PCDHA8: variants seen among roughly 807,000 people sequenced by gnomAD.
The protein encoded by PCDHA8 is protocadherin alpha 8.
PCDHA8 carries 53 observed loss-of-function variants against 61.8 expected under a neutral mutation model. The observed-to-expected ratio is 0.86, with a 90% CI of 0.69 to 1.08. The LOEUF (loss-of-function observed/expected upper bound fraction) is 1.08, where lower values mean the gene tolerates loss of function less well. Ranked by LOEUF, PCDHA8 falls within the 50% of genes least tolerant of loss-of-function variation. The pLI, the probability that PCDHA8 is intolerant of heterozygous loss-of-function variation, is 0.00. For synonymous variants in PCDHA8, 618 were observed against 556.6 expected, an observed-to-expected ratio of 1.11 and a Z score of -1.55; for missense variants, 1,293 against 1,245.0, an observed-to-expected ratio of 1.04 and a Z score of -0.58.
At position 140,946,611 on chromosome 5, in the gene PCDHA8, A is replaced by AATATATATATATATATAT. The variant is rs1554217734; in HGVS notation, c.2395-32334_2395-32317dup. Among the ~76,000 whole-genome samples, 487 of 86,718 alleles carry AATATATATATATATATAT rather than the reference A, an allele frequency of 5.6e-3. 17 individuals are homozygous for AATATATATATATATATAT. The highest frequency in any genetic ancestry group is 0.01 in the African/African-American group (158 of 15,660). 56.9% of individuals were successfully genotyped at this position (86,718 alleles called of 152,430 possible). The stretch of plus-strand genomic sequence containing the variant: ...GGATGAATAGATAAAGAAAATGTGA[A>AATATATATATATATATAT]ATATATATATATATATATATACAAT... On this transcript the variant is annotated intron_variant, in intron 1 of 3. Coordinates refer to ENST00000531613, the MANE Select transcript of PCDHA8 (RefSeq NM_018911.3).
intron 1 of PCDHA8, chr5:140,883,045 A>G: frequency 1.2e-6 from 2 of 1,614,190 alleles, no homozygotes; most frequent in Non-Finnish European, 1.7e-6. Context: ...TCAATGGAAC[A>G]TTAGTGATCA....
At chr5:140,894,947 A>G (rs1257936552) in intron 1 of PCDHA8, among the ~76,000 whole-genome samples, 1 of 152,178 alleles carries the variant, frequency 6.6e-6, no homozygotes, top group Non-Finnish European at 1.5e-5. Flanking sequence ...TTGTCATGAA[A>G]TGATAAAAAT....
chr5:140,861,591 A>G, intron 1 of PCDHA8: 1 of 374,610 alleles, frequency 2.7e-6, no homozygotes, highest in South Asian at 2.5e-5. Context: ...TGTGGAGGTG[A>G]AAGTGAAGAA....
At chr5:140,955,797 T>C (rs1374924586) in intron 1 of PCDHA8, among the ~76,000 whole-genome samples, 3 of 152,212 alleles carry the variant, frequency 2.0e-5, no homozygotes, top group Non-Finnish European at 4.4e-5. Flanking sequence ...TGTTTTTCTA[T>C]TTGTTTGTGT....
intron 1 of PCDHA8, among the ~76,000 whole-genome samples, chr5:140,895,037 C>G (rs28619398): frequency 6.6e-6 from 1 of 152,134 alleles, no homozygotes; most frequent in Non-Finnish European, 1.5e-5. Context: ...TTGTCCCCCA[C>G]CCACACCATT....
intron 1 of PCDHA8, among the ~76,000 whole-genome samples, chr5:140,956,442 T>A (rs557521776): frequency 2.6e-5 from 4 of 152,362 alleles, no homozygotes; most frequent in African/African-American, 9.6e-5. Flanking sequence ...GCTTATGTGA[T>A]GAATTACATT....
intron 1 of PCDHA8, among the ~76,000 whole-genome samples, chr5:140,872,145 G>A (rs2053502547): frequency 6.6e-6 from 1 of 151,676 alleles, no homozygotes; most frequent in Non-Finnish European, 1.5e-5. Context: ...TACTCCATTA[G>A]TATGACATGA....
intron 1 of PCDHA8, chr5:140,858,909 C>T (rs2150442831): frequency 5.4e-6 from 1 of 185,188 alleles, no homozygotes; most frequent in South Asian, 1.1e-4. Flanking sequence ...CGTACCACAG[C>T]TTATACTGCC....
At chr5:140,897,252 A>G (rs1179343621) in intron 1 of PCDHA8, among the ~76,000 whole-genome samples, 3 of 152,018 alleles carry the variant, frequency 2.0e-5, no homozygotes, top group East Asian at 3.9e-4. Flanking sequence ...TTACATATGT[A>G]TACATGTGCC....
At chr5:140,929,492 G>A in intron 1 of PCDHA8, 1 of 1,062,164 alleles carries the variant, frequency 9.4e-7, no homozygotes, top group Non-Finnish European at 1.3e-6. Context: ...AGTATTAGAA[G>A]ATTGCCCTAG....
chr5:140,843,886 T>A, intron 1 of PCDHA8, 171 bp downstream of exon 1: 1 of 704,592 alleles, frequency 1.4e-6, no homozygotes, highest in Non-Finnish European at 2.3e-6. Context: ...CATAATACAG[T>A]ATTAATCATT....
At chr5:140,927,303 G>A (rs1554204320) in intron 1 of PCDHA8, 69 of 1,614,150 alleles carry the variant, frequency 4.3e-5, no homozygotes, top group Non-Finnish European at 5.7e-5. Context: ...CCGAGTTCCT[G>A]ACGCCCGGAG....
chr5:140,853,383 A>G lies in PCDHA8; in HGVS notation c.2394+9668A>G, dbSNP rs896759512. ...GGATCCAGAGATGGTAAAATTCAAA[A>G]CAGCCTGTCAAGTTCAAAACAGAGA... On this transcript the variant is annotated intron_variant, in intron 1 of 3. Transcript: ENST00000531613. The G allele has an allele frequency of 5.1e-6, 5 of 985,712 alleles. No individual in the cohort carries two copies. In the South Asian group the frequency reaches 2.4e-4, roughly 47 times the overall value. The allele number at this position is 985,712 out of a possible 1,614,324, so 61.1% of individuals were successfully genotyped here. A position where few individuals can be genotyped will look rare whatever the true frequency, so the allele number is the denominator to read the frequency against.
rs782046977 is a variant in PCDHA8 at position 140,968,811 on chromosome 5, A to T, written c.2395-10138A>T. The T allele has an allele frequency of 5.0e-6, 8 of 1,614,086 alleles. No homozygotes were observed. The African/African-American group carries it at 6.7e-5, about 13-fold the overall frequency. The stretch of plus-strand genomic sequence containing the variant: ...GTGGCCATTACAGTAGCTGTGGTGG[A>T]TAGGGTTTCCAAAATCCTCCCTGAC... On this transcript the variant is annotated intron_variant, in intron 1 of 3. Coordinates refer to ENST00000531613, the MANE Select transcript of PCDHA8 (RefSeq NM_018911.3).
chr5:140,862,622 G>T (rs2047457580), intron 1 of PCDHA8: 8 of 530,260 alleles, frequency 1.5e-5, no homozygotes, highest in South Asian at 1.1e-4. Context: ...AACAACCCGC[G>T]GGGCTGCCAC....
At chr5:140,957,641 T>G (rs1554223056) in intron 1 of PCDHA8, among the ~76,000 whole-genome samples, 1 of 152,110 alleles carries the variant, frequency 6.6e-6, no homozygotes, top group African/African-American at 2.4e-5. Flanking sequence ...AGAAATGCAC[T>G]TAAATATTCA....
chr5:140,923,986 G>A (rs1482099424), intron 1 of PCDHA8, among the ~76,000 whole-genome samples: 2 of 152,074 alleles, frequency 1.3e-5, no homozygotes, highest in African/African-American at 2.4e-5. Flanking sequence ...ATCCCTCTAG[G>A]TGCAGCTCAG....
intron 1 of PCDHA8, chr5:140,866,690 A>G (rs1371582983): frequency 1.3e-5 from 2 of 152,178 alleles, no homozygotes; most frequent in Non-Finnish European, 2.9e-5. Flanking sequence ...CTGTTAGAAT[A>G]TCAGTGGATG....
At position 140,947,043 on chromosome 5, in the gene PCDHA8, G is replaced by T. The variant is rs188994500; in HGVS notation, c.2395-31906G>T. Among the ~76,000 whole-genome samples the T allele has an allele frequency of 1.7e-3, 259 of 151,702 alleles. 2 individuals carry two copies. Among genetic ancestry groups the T allele is most frequent in the African/African-American group, 5.9e-3 (243 of 41,466 alleles). On this transcript the variant is annotated intron_variant, in intron 1 of 3. Transcript: ENST00000531613. ...AGGTAATGGATATACTAATTACCCT[G>T]ATTTGATCATTACACAGTGTATATA... is the stretch of plus-strand genomic sequence containing the variant.
Sources: allele counts gnomAD v4.1 joint callset (sites outside exome capture counted in the v4.1 genomes callset), GRCh38; gene constraint gnomAD v4.1.1; transcripts MANE v1.5; gene names NCBI Gene and HGNC (gene_info 2026-07-23, HGNC 2026-07-21).